PLCB4: variants seen among roughly 807,000 people sequenced by gnomAD.
The protein encoded by PLCB4 is 1-phosphatidylinositol 4,5-bisphosphate phosphodiesterase beta-4.
A neutral mutation model predicts 178.8 loss-of-function variants in PLCB4; 77 were observed. The observed-to-expected ratio is 0.43, with a 90% confidence interval of 0.36 to 0.52. PLCB4 has a LOEUF of 0.52. PLCB4 is among the 20% of genes least tolerant of loss of function. PLCB4 has a pLI of 0.00. For synonymous variants in PLCB4, 496 were observed against 490.8 expected, an observed-to-expected ratio of 1.01 and a Z score of -0.14; for missense variants, 1,024 against 1,453.4, an observed-to-expected ratio of 0.70 and a Z score of 4.80.
rs763529597 is a variant in PLCB4, at chr20:9,447,321, T to C, written c.2880+3078T>C. Among the ~76,000 whole-genome samples, 62 of 152,324 alleles carry C rather than the reference T, an allele frequency of 4.1e-4. 1 individual carries two copies. Among genetic ancestry groups the C allele is most frequent in the East Asian group, 2.3e-3 (12 of 5,184 alleles). ...TTCTGGTCTCAGCTGTATTCACTCA[T>C]GAATCTGCTGTTACTACCAGTTTGG... On this transcript the variant is annotated intron_variant, in intron 32 of 39. Coordinates refer to ENST00000378473, the MANE Select transcript of PLCB4 (RefSeq NM_001377142.1).
intron 35 of PLCB4, among the ~76,000 whole-genome samples, chr20:9,460,877 A>G (rs2043344942): frequency 6.6e-6 from 1 of 152,232 alleles, no homozygotes; most frequent in African/African-American, 2.4e-5. Context: ...AGGCAACTAA[A>G]TGCAGTCTCC....
chr20:9,111,903 ATAGAAGTATG>A (rs1427331738), intron 2 of PLCB4, among the ~76,000 whole-genome samples: 4 of 152,200 alleles, frequency 2.6e-5, no homozygotes, highest in African/African-American at 7.2e-5. Flanking sequence ...TATGAAGTAT[ATAGAAGTATG>A]TATTTAATGT....
chr20:9,301,223 A>G (rs1295391083), intron 3 of PLCB4, among the ~76,000 whole-genome samples: 1 of 151,766 alleles, frequency 6.6e-6, no homozygotes, highest in African/African-American at 2.4e-5. Context: ...TTTGCCCTGT[A>G]AGGTAACATT....
chr20:9,470,726 G>T (rs552076828), intron 36 of PLCB4, among the ~76,000 whole-genome samples: 1 of 152,080 alleles, frequency 6.6e-6, no homozygotes, highest in Non-Finnish European at 1.5e-5. Flanking sequence ...ATGGGGGTAC[G>T]TGAGAAAACT....
intron 3 of PLCB4, among the ~76,000 whole-genome samples, chr20:9,222,368 C>T (rs757724142): frequency 1.8e-3 from 269 of 152,216 alleles, no homozygotes; most frequent in Non-Finnish European, 2.9e-3. Context: ...GCCAGGATGA[C>T]AGGCATGAGC....
intron 2 of PLCB4, among the ~76,000 whole-genome samples, chr20:9,132,950 C>A (rs760157656): frequency 5.9e-5 from 9 of 152,074 alleles, no homozygotes; most frequent in Admixed American, 2.0e-4. Flanking sequence ...AGGGATGCTG[C>A]TAACCATCCC....
intron 3 of PLCB4, among the ~76,000 whole-genome samples, chr20:9,250,968 A>T (rs1192094622): frequency 6.6e-6 from 1 of 152,224 alleles, no homozygotes; most frequent in East Asian, 1.9e-4. Flanking sequence ...GTGACTATGC[A>T]TGTCCAACAG....
chr20:9,201,850 T>C (rs2147190712), intron 2 of PLCB4, among the ~76,000 whole-genome samples: 1 of 152,276 alleles, frequency 6.6e-6, no homozygotes, highest in South Asian at 2.1e-4. Flanking sequence ...GTTAAACATA[T>C]AATACATATA....
chr20:9,141,265 G>A (rs1032221375), intron 2 of PLCB4, among the ~76,000 whole-genome samples: 4 of 152,152 alleles, frequency 2.6e-5, no homozygotes, highest in East Asian at 1.9e-4. Context: ...CCAGTATCTT[G>A]TTTGGCTGCA....
chr20:9,070,616 A>T (rs931023362), intron 1 of PLCB4, among the ~76,000 whole-genome samples: 1 of 152,190 alleles, frequency 6.6e-6, no homozygotes. Flanking sequence ...TTAATAAATG[A>T]TTGCCATCTT....
At chr20:9,419,013 A>G (rs1602546122) in intron 25 of PLCB4, among the ~76,000 whole-genome samples, 1 of 151,986 alleles carries the variant, frequency 6.6e-6, no homozygotes, top group Non-Finnish European at 1.5e-5. Context: ...TTTATCTGGT[A>G]TCCTGCAATA....
At chr20:9,474,322 G>A (rs1182770857) in intron 38 of PLCB4, among the ~76,000 whole-genome samples, 2 of 152,158 alleles carry the variant, frequency 1.3e-5, no homozygotes, top group African/African-American at 4.8e-5. Flanking sequence ...AGTACAGGTG[G>A]GCACCTTTCC....
intron 33 of PLCB4, among the ~76,000 whole-genome samples, chr20:9,455,869 T>A (rs952675058): frequency 6.6e-6 from 1 of 152,240 alleles, no homozygotes; most frequent in African/African-American, 2.4e-5. Context: ...TTAGTCTTGC[T>A]ATGTTGCCCA....
chr20:9,197,675 CAG>C (rs2093489355), intron 2 of PLCB4, among the ~76,000 whole-genome samples: 1 of 152,192 alleles, frequency 6.6e-6, no homozygotes, highest in Non-Finnish European at 1.5e-5. Context: ...TGTTGCCAAA[CAG>C]AAATAAAACT....
At chr20:9,464,360 A>G (rs1479818099) in intron 35 of PLCB4, among the ~76,000 whole-genome samples, 2 of 152,220 alleles carry the variant, frequency 1.3e-5, no homozygotes, top group African/African-American at 4.8e-5. Context: ...TAACGTCACA[A>G]TTAAAAGAAC....
At chr20:9,133,244 T>G (rs1476182816) in intron 2 of PLCB4, among the ~76,000 whole-genome samples, 1 of 152,192 alleles carries the variant, frequency 6.6e-6, no homozygotes, top group Non-Finnish European at 1.5e-5. Context: ...CTTCTGTTTT[T>G]CTGATCACAC....
chr20:9,124,347 C>T (rs1044507819), intron 2 of PLCB4, among the ~76,000 whole-genome samples: 1 of 151,936 alleles, frequency 6.6e-6, no homozygotes, highest in Admixed American at 6.6e-5. Context: ...TAAAAATTAC[C>T]CAGGTGTGGT....
chr20:9,249,442 G>A lies in PLCB4; in HGVS notation c.-16+31990G>A, dbSNP rs143160091. Among the ~76,000 whole-genome samples, 1,121 of 152,078 alleles carry A rather than the reference G, an allele frequency of 7.4e-3. 17 individuals carry two copies. The highest frequency in any genetic ancestry group is 0.026 in the African/African-American group (1,078 of 41,474). ...CCCACCTCAGCCTCCCAAGTAGCTG[G>A]GACATCAGGTGTGTGCCACCATGCC... On this transcript the variant is annotated intron_variant, in intron 3 of 39. Transcript: ENST00000378473.
At chr20:9,360,786 C>T (rs2035252987) in intron 7 of PLCB4, among the ~76,000 whole-genome samples, 1 of 152,200 alleles carries the variant, frequency 6.6e-6, no homozygotes. Flanking sequence ...ATCCTGACCC[C>T]ACTATGATGC....
Sources: allele counts gnomAD v4.1 joint callset (sites outside exome capture counted in the v4.1 genomes callset), GRCh38; gene constraint gnomAD v4.1.1; transcripts MANE v1.5; gene names NCBI Gene and HGNC (gene_info 2026-07-23, HGNC 2026-07-21).